The following ZSWIM5 variants were observed in gnomAD, a reference collection of about 807,000 sequenced individuals.
ZSWIM5 encodes zinc finger SWIM-type containing 5, also known as zinc finger SWIM domain-containing protein 5.
Under a neutral mutation model 119.6 loss-of-function variants are expected in ZSWIM5, and 55 were observed. That is an observed-to-expected ratio of 0.46 (90% CI 0.37 to 0.58). The LOEUF is 0.58. ZSWIM5 is among the 20% of genes least tolerant of loss of function. The pLI, the probability that ZSWIM5 is intolerant of heterozygous loss-of-function variation, is 0.00. For missense variants in ZSWIM5, 1,193 were observed against 1,512.8 expected (o/e 0.79, Z 3.51); for synonymous variants, 537 against 606.9 (o/e 0.88, Z 1.69).
rs1005405182 is a variant in ZSWIM5 at position 45,019,973 on chromosome 1, G to A, written c.2695+93C>T. The A allele has an allele frequency of 6.5e-6, 7 of 1,081,416 alleles. No individual in the cohort carries two copies. Among genetic ancestry groups the A allele is most frequent in the Non-Finnish European group, 9.8e-6 (7 of 717,156 alleles). 67.0% of individuals were successfully genotyped at this position (1,081,416 alleles called of 1,614,324 possible). A position where few individuals can be genotyped will look rare whatever the true frequency, so the allele number is the denominator to read the frequency against. On this transcript the variant is annotated intron_variant, in intron 13 of 13. Coordinates refer to ENST00000359600, the MANE Select transcript of ZSWIM5 (RefSeq NM_020883.2). This position sits in a 1 kb window ranked among gnomAD's most constrained non-coding sequence, Gnocchi z 5.0. The stretch of plus-strand genomic sequence containing the variant: ...TCCTGATGGACCTAAGATCTCATAG[G>A]AATATGAGAGCTCTAAGGATTGATT...
At chr1:45,109,182 C>G (rs190832499) in intron 1 of ZSWIM5, among the ~76,000 whole-genome samples, 72 of 152,276 alleles carry the variant, frequency 4.7e-4, no homozygotes, top group Non-Finnish European at 7.9e-4. Flanking sequence ...TTTCCACATT[C>G]TACAGTAACC....
chr1:45,053,436 G>A (rs2148998084), intron 4 of ZSWIM5, among the ~76,000 whole-genome samples: 1 of 152,124 alleles, frequency 6.6e-6, no homozygotes, highest in Non-Finnish European at 1.5e-5. Context: ...AGTCCTGGAG[G>A]AGTTCCAATT....
intron 1 of ZSWIM5, among the ~76,000 whole-genome samples, chr1:45,203,714 C>T (rs1180996780): frequency 6.6e-6 from 1 of 152,048 alleles, no homozygotes; most frequent in Admixed American, 6.5e-5. Flanking sequence ...GGGGATGAGT[C>T]TCTATTAAAG....
At chr1:45,194,680 A>T (rs1348685014) in intron 1 of ZSWIM5, among the ~76,000 whole-genome samples, 3 of 152,124 alleles carry the variant, frequency 2.0e-5, no homozygotes, top group African/African-American at 7.2e-5. Flanking sequence ...GATCGAGACC[A>T]TCCTGGCTAA....
chr1:45,102,004 C>A lies in ZSWIM5; in HGVS notation c.596-13767G>T, dbSNP rs60219606. Among the ~76,000 whole-genome samples the A allele has an allele frequency of 6.8e-3, 1,026 of 150,180 alleles. 11 individuals carry two copies. Among genetic ancestry groups the A allele is most frequent in the African/African-American group, 0.023 (915 of 40,580 alleles). ...TGTATACCTATGTAACAAACCTGCA[C>A]ATTGTGCACATGTACCCTAGAACTT... is the stretch of plus-strand genomic sequence containing the variant. On this transcript the variant is annotated intron_variant, in intron 1 of 13. Coordinates refer to ENST00000359600, the MANE Select transcript of ZSWIM5 (RefSeq NM_020883.2).
intron 1 of ZSWIM5, among the ~76,000 whole-genome samples, chr1:45,163,218 T>C (rs758239178): frequency 3.0e-4 from 45 of 152,230 alleles, no homozygotes; most frequent in Non-Finnish European, 4.7e-4. Context: ...GGGTCTGGAG[T>C]GGACCTCCAG....
At chr1:45,176,973 A>G (rs1645984955) in intron 1 of ZSWIM5, among the ~76,000 whole-genome samples, 2 of 152,036 alleles carry the variant, frequency 1.3e-5, no homozygotes, top group Non-Finnish European at 1.5e-5. Flanking sequence ...GGCCACTGCT[A>G]CTATCCCTTC....
chr1:45,085,953 C>T (rs537207110), intron 2 of ZSWIM5, among the ~76,000 whole-genome samples: 101 of 152,224 alleles, frequency 6.6e-4, no homozygotes, highest in African/African-American at 2.3e-3. Flanking sequence ...CTTCCCAGTA[C>T]CAATTTTCTG....
chr1:45,167,168 A>G (rs1237993019), intron 1 of ZSWIM5, among the ~76,000 whole-genome samples: 1 of 151,894 alleles, frequency 6.6e-6, no homozygotes, highest in African/African-American at 2.4e-5. Context: ...AAATAATACC[A>G]CACATCTACA....
intron 1 of ZSWIM5, among the ~76,000 whole-genome samples, chr1:45,136,555 T>C (rs1406663481): frequency 6.6e-6 from 1 of 152,174 alleles, no homozygotes; most frequent in East Asian, 1.9e-4. Context: ...TTTTTTGTTT[T>C]CCCTCTTGGT....
At chr1:45,055,265 C>T (rs1278516838) in intron 4 of ZSWIM5, among the ~76,000 whole-genome samples, 1 of 152,136 alleles carries the variant, frequency 6.6e-6, no homozygotes, top group Non-Finnish European at 1.5e-5. Flanking sequence ...GCTGGGATTA[C>T]AGGTGTGAGC....
intron 2 of ZSWIM5, among the ~76,000 whole-genome samples, chr1:45,085,524 G>GTTTTTTTTTTT (rs1387910637): frequency 1.5e-4 from 19 of 128,946 alleles, no homozygotes; most frequent in African/African-American, 5.2e-4. Flanking sequence ...AGGTTAGTTT[G>GTTTTTTTTTTT]TTTGTTTTTT....
chr1:45,056,138 T>C (rs188418587), intron 4 of ZSWIM5, among the ~76,000 whole-genome samples: 6 of 152,266 alleles, frequency 3.9e-5, no homozygotes, highest in African/African-American at 1.4e-4. Flanking sequence ...GAAACCCAAC[T>C]GGAGTGGGCT....
intron 1 of ZSWIM5, among the ~76,000 whole-genome samples, chr1:45,147,528 A>G (rs540425314): frequency 5.5e-5 from 8 of 145,954 alleles, no homozygotes; most frequent in Non-Finnish European, 1.2e-4. Flanking sequence ...ATTCAAATAC[A>G]GTTCTAAGAA....
intron 1 of ZSWIM5, among the ~76,000 whole-genome samples, chr1:45,196,576 G>A (rs1344453657): frequency 6.6e-6 from 1 of 150,500 alleles, no homozygotes; most frequent in Non-Finnish European, 1.5e-5. Flanking sequence ...ATTTTTAGTA[G>A]AGGCGGGATT....
intron 1 of ZSWIM5, among the ~76,000 whole-genome samples, chr1:45,153,530 T>C (rs1386562260): frequency 1.4e-5 from 2 of 148,084 alleles, no homozygotes; most frequent in Admixed American, 1.3e-4. Flanking sequence ...GAATTAAAAA[T>C]AGAATTACTA....
intron 1 of ZSWIM5, among the ~76,000 whole-genome samples, chr1:45,200,686 T>G (rs1646153370): frequency 6.6e-6 from 1 of 152,202 alleles, no homozygotes; most frequent in Admixed American, 6.5e-5. Context: ...AACCACTTAT[T>G]TGTCAAAAAT....
chr1:45,031,304 G>C (rs1050312080), intron 11 of ZSWIM5, among the ~76,000 whole-genome samples: 12 of 150,508 alleles, frequency 8.0e-5, no homozygotes. Flanking sequence ...AGCCTCCCGA[G>C]TAGCTGGGAT....
chr1:45,157,985 C>T (rs1203445181), intron 1 of ZSWIM5, among the ~76,000 whole-genome samples: 8 of 152,078 alleles, frequency 5.3e-5, no homozygotes, highest in Non-Finnish European at 7.4e-5. Flanking sequence ...TGTTTGTTCA[C>T]ATCTTTTGTC....
Sources: gnomAD v4.1 joint callset for allele counts (sites outside exome capture counted in the v4.1 genomes callset) on GRCh38, gnomAD v4.1.1 for gene constraint, Gnocchi (gnomAD v3.1) non-coding constraint, MANE v1.5 for transcripts, NCBI Gene and HGNC (gene_info 2026-07-23, HGNC 2026-07-21) for gene names.